The following IREB2 variants were observed in gnomAD, a reference collection of about 807,000 sequenced individuals.
IREB2 encodes the protein iron responsive element binding protein 2, also known as iron-responsive element-binding protein 2.
In IREB2, 39 loss-of-function variants were observed where a neutral mutation model predicts 118.8. The ratio of observed to expected loss-of-function variants is 0.33; its 90% CI spans 0.25 to 0.43. The LOEUF (loss-of-function observed/expected upper bound fraction) is 0.43. IREB2 is among the 20% of genes least tolerant of loss of function. The pLI is 1.00. For synonymous variants in IREB2, 372 were observed against 392.2 expected (o/e 0.95, Z 0.61); for missense variants, 900 against 1,147.3 (o/e 0.78, Z 3.11).
intron 12 of IREB2, 50 bp downstream of exon 12, chr15:78,484,970 G>A (rs9788758): frequency 0.99 from 1,547,143 of 1,555,356 alleles, 769,870 homozygotes; most frequent in East Asian, 1. Flanking sequence ...AATTATTGTT[G>A]GCTTTTCTGT....
chr15:78,440,216 G>A (rs2050824142), intron 2 of IREB2, among the ~76,000 whole-genome samples: 1 of 151,840 alleles, frequency 6.6e-6, no homozygotes, highest in South Asian at 2.1e-4. Context: ...TTGAACCCCT[G>A]GGCCCAAATA....
intron 5 of IREB2, among the ~76,000 whole-genome samples, chr15:78,468,114 A>G (rs1050344274): frequency 1.3e-5 from 2 of 152,238 alleles, no homozygotes; most frequent in African/African-American, 2.4e-5. Context: ...TTGGCTGCCC[A>G]AAGTGCTGGG....
chr15:78,495,207 C>A (rs2051820726), intron 20 of IREB2, among the ~76,000 whole-genome samples: 1 of 152,116 alleles, frequency 6.6e-6, no homozygotes, highest in African/African-American at 2.4e-5. Context: ...TCTTTAATAT[C>A]TCCTTTAAAA....
Position 78,475,801 on chromosome 15 carries a change from G to A in IREB2, c.1024-387G>A, listed in dbSNP as rs116577615. The A allele has an allele frequency of 2.1e-3, 324 of 154,824 alleles. 1 individual carries two copies. Among genetic ancestry groups the A allele is most frequent in the African/African-American group, 7.6e-3 (317 of 41,624 alleles). 9.6% of individuals were successfully genotyped at this position (154,824 alleles called of 1,614,324 possible). ...ACGGTGTTGGAAGCTGCAGTGAGCT[G>A]TGACCACACCACTGCGCTCCAGCCT... On this transcript the variant is annotated intron_variant, in intron 8 of 21. Transcript: ENST00000258886.
intron 2 of IREB2, among the ~76,000 whole-genome samples, chr15:78,461,938 G>C (rs2051204628): frequency 6.6e-6 from 1 of 152,096 alleles, no homozygotes; most frequent in Non-Finnish European, 1.5e-5. Context: ...AGGAAGTACA[G>C]TGGAAATACC....
chr15:78,482,541 A>G (rs1223052544), intron 10 of IREB2, among the ~76,000 whole-genome samples: 1 of 152,200 alleles, frequency 6.6e-6, no homozygotes, highest in African/African-American at 2.4e-5. Flanking sequence ...AGCACCCTCT[A>G]GTGACCAGTC....
In IREB2 at chr15:78,462,935, C is replaced by T; in HGVS notation, c.120C>T (p.Tyr40=). Residue 40 remains tyrosine (Y), a synonymous_variant, in exon 3 of 22, where the codon TAC becomes TAT. Coordinates refer to ENST00000258886, the MANE Select transcript of IREB2 (RefSeq NM_004136.4). ...KLGTKYDVLP[Y]SIRVLLEAAV... ...TTCTTGAATCAGATGTTCTGCCTTA[C>T]TCAATACGGGTCTTGTTGGAAGCTG... The T allele has an allele frequency of 1.9e-6, 3 of 1,605,990 alleles. No individual in the cohort carries two copies. Among genetic ancestry groups the T allele is most frequent in the Non-Finnish European group, 2.5e-6 (3 of 1,176,814 alleles).
At chr15:78,497,468 T>C (rs943195268) in intron 21 of IREB2, 157 bp downstream of exon 21, 2 of 620,884 alleles carry the variant, frequency 3.2e-6, no homozygotes, top group Non-Finnish European at 2.8e-6. Flanking sequence ...TCTAGCTATG[T>C]TAATAGTTCA....
In IREB2 at chr15:78,463,111, T is replaced by G. The variant is rs201745425; in HGVS notation, c.272+24T>G. On this transcript the variant is annotated intron_variant, in intron 3 of 21. Coordinates refer to ENST00000258886, the MANE Select transcript of IREB2 (RefSeq NM_004136.4). ...ACGTGAGTAATGGGTTTATTTTTTG[T>G]GAATGAACTCTTAGAGTGTGTTTCC... is the stretch of plus-strand genomic sequence containing the variant. 234 of 1,565,174 alleles carry G rather than the reference T, an allele frequency of 1.5e-4. 1 individual carries two copies. The African/African-American group carries it at 2.9e-3, about 20-fold the overall frequency.
Position 78,476,270 on chromosome 15 carries a change from C to T in IREB2, c.1106C>T (p.Thr369Ile). The T allele has an allele frequency of 1.2e-6, 2 of 1,610,154 alleles. No individual in the cohort carries two copies. Among genetic ancestry groups the T allele is most frequent in the Non-Finnish European group, 1.7e-6 (2 of 1,177,078 alleles). Residue 369 changes from threonine to isoleucine, a missense_variant, in exon 9 of 22, where the codon ACT (threonine) becomes ATT (isoleucine). Coordinates refer to ENST00000258886, the MANE Select transcript of IREB2 (RefSeq NM_004136.4). ...GVSQLSIVDR[T>I]TIANMCPEYG... Reference sequence around the variant, plus strand: ...TCACAATTATCTATAGTTGATCGAACTACAATAGCAAACATGTGTCCGGAA... The same window carrying T: ...TCACAATTATCTATAGTTGATCGAATTACAATAGCAAACATGTGTCCGGAA...
intron 9 of IREB2, among the ~76,000 whole-genome samples, chr15:78,477,187 C>T (rs145913507): frequency 1.6e-3 from 237 of 152,286 alleles, no homozygotes; most frequent in African/African-American, 5.3e-3. Flanking sequence ...AGAAGTGCCT[C>T]GTTCCTTGCA....
At chr15:78,466,568 C>T in intron 5 of IREB2, 79 bp downstream of exon 5, 1 of 915,276 alleles carries the variant, frequency 1.1e-6, no homozygotes, top group Non-Finnish European at 1.7e-6. Context: ...TCTCTTCCCA[C>T]CCAATTACTA....
At chr15:78,483,256 A>G (rs1266456614) in intron 10 of IREB2, 62 bp from the exon 11 acceptor site, 7 of 784,382 alleles carry the variant, frequency 8.9e-6, no homozygotes, top group East Asian at 4.9e-5. Flanking sequence ...TAATGCTTCA[A>G]TTGGAATCTG....
At chr15:78,489,715 T>C (rs1003257364) in intron 16 of IREB2, among the ~76,000 whole-genome samples, 2 of 152,056 alleles carry the variant, frequency 1.3e-5, no homozygotes, top group Non-Finnish European at 2.9e-5. Context: ...AAATAAAAAA[T>C]GCTCAGGCTG....
At chr15:78,454,708 T>C (rs1429303477) in intron 2 of IREB2, among the ~76,000 whole-genome samples, 1 of 152,220 alleles carries the variant, frequency 6.6e-6, no homozygotes, top group African/African-American at 2.4e-5. Flanking sequence ...TTATTATTTA[T>C]TTAGAGACAG....
At chr15:78,440,069 C>T (rs935912680) in intron 2 of IREB2, among the ~76,000 whole-genome samples, 188 bp downstream of exon 2, 4 of 152,208 alleles carry the variant, frequency 2.6e-5, no homozygotes, top group South Asian at 4.1e-4. Flanking sequence ...AGGCCCACAC[C>T]TTAACTTCTC....
At chr15:78,497,552 C>A (rs1404522345) in intron 21 of IREB2, among the ~76,000 whole-genome samples, 2 of 152,140 alleles carry the variant, frequency 1.3e-5, no homozygotes, top group Non-Finnish European at 2.9e-5. Flanking sequence ...GGAATCTTGA[C>A]TTCCACTTAA....
chr15:78,483,247 A>G, intron 10 of IREB2, 71 bp from the exon 11 acceptor site: 1 of 733,524 alleles, frequency 1.4e-6, no homozygotes, highest in South Asian at 1.7e-5. Context: ...TTTAGAAAGT[A>G]ATGCTTCAAT....
chr15:78,490,499 C>T lies in IREB2; in HGVS notation c.2154C>T (p.Ile718=). 1 of 1,607,318 alleles carries T rather than the reference C, an allele frequency of 6.2e-7. No homozygotes were observed. Among genetic ancestry groups the T allele is most frequent in the Non-Finnish European group, 8.5e-7 (1 of 1,177,814 alleles). Residue 718 remains isoleucine, a synonymous_variant, in exon 17 of 22, where the codon ATC becomes ATT. Transcript: ENST00000258886. ...CATGGGACTTAAAGTCTACTTATAT[C>T]AGATGCCCTTCATTTTTTGATAAAC... ...LFPWDLKSTY[I]RCPSFFDKLT...
Sources: gnomAD v4.1 joint callset for allele counts (sites outside exome capture counted in the v4.1 genomes callset) on GRCh38, gnomAD v4.1.1 for gene constraint, MANE v1.5 for transcripts, NCBI Gene and HGNC (gene_info 2026-07-23, HGNC 2026-07-21) for gene names.